The following PRELID2 variants were observed in gnomAD, a reference collection of about 807,000 sequenced individuals.
The protein encoded by PRELID2 is PRELI domain-containing protein 2.
Under a neutral mutation model 28.4 loss-of-function variants are expected in PRELID2, and 25 were observed. That is an observed-to-expected ratio of 0.88 (90% CI 0.64 to 1.23). The LOEUF (loss-of-function observed/expected upper bound fraction) is 1.23. Ranked by LOEUF, PRELID2 falls within the 50% of genes most tolerant of loss-of-function variation. The probability of loss-of-function intolerance (pLI) is 0.00; values close to 1 mark genes in which losing one functional copy is unlikely to be tolerated. For missense variants in PRELID2, 201 were observed against 214.4 expected, an observed-to-expected ratio of 0.94 and a Z score of 0.39; for synonymous variants, 76 against 71.6, an observed-to-expected ratio of 1.06 and a Z score of -0.31.
the PRELID2 span, among the ~76,000 whole-genome samples, chr5:145,445,632 A>T: frequency 6.6e-6 from 1 of 152,050 alleles, no homozygotes; most frequent in South Asian, 2.1e-4. Context: ...CCAACAGGGG[A>T]TTAATATCCA....
the PRELID2 span, among the ~76,000 whole-genome samples, chr5:145,442,900 A>G: frequency 6.6e-6 from 1 of 152,044 alleles, no homozygotes; most frequent in Non-Finnish European, 1.5e-5. Flanking sequence ...TAGACCAGAA[A>G]TTCTCAGAAG....
chr5:145,515,678 G>A (rs564569630), intron 1 of PRELID2, among the ~76,000 whole-genome samples: 18 of 152,092 alleles, frequency 1.2e-4, no homozygotes, highest in African/African-American at 4.3e-4. Flanking sequence ...ACTTGGCAGA[G>A]ACAAGAAAAC....
At chr5:145,629,790 T>C (rs1168819847) in intron 1 of PRELID2, among the ~76,000 whole-genome samples, 1 of 146,736 alleles carries the variant, frequency 6.8e-6, no homozygotes, top group East Asian at 1.9e-4. Flanking sequence ...GCACCATCCT[T>C]TTAAAATGCC....
chr5:145,457,062 GA>G, the PRELID2 span, among the ~76,000 whole-genome samples: 1 of 152,168 alleles, frequency 6.6e-6, no homozygotes, highest in African/African-American at 2.4e-5. Flanking sequence ...TTTTTAAGGG[GA>G]TAGAGTGTGC....
the PRELID2 span, among the ~76,000 whole-genome samples, chr5:145,288,384 G>A: frequency 6.6e-6 from 1 of 152,118 alleles, no homozygotes; most frequent in African/African-American, 2.4e-5. Context: ...ATCTTTGAGA[G>A]CTCTTTTAGG....
chr5:145,760,050 G>C lies in PRELID2; in HGVS notation c.*486C>G, dbSNP rs2149761425. 1 of 152,196 alleles carries C rather than the reference G, an allele frequency of 6.6e-6. No homozygotes were observed. Among genetic ancestry groups the C allele is most frequent in the South Asian group, 2.1e-4 (1 of 4,808 alleles). The allele number at this position is 152,196 out of a possible 1,614,324, so 9.4% of individuals were successfully genotyped here. A position where few individuals can be genotyped will look rare whatever the true frequency, so the allele number is the denominator to read the frequency against. Reference sequence around the variant, plus strand: ...ACATAGGTCTGGTACATTCCTGTTTGTTCCAGTCCACCCGTGAATCAGGTA... The same window carrying C: ...ACATAGGTCTGGTACATTCCTGTTTCTTCCAGTCCACCCGTGAATCAGGTA... On this transcript the variant is annotated 3_prime_UTR_variant, in exon 7 of 7. Transcript: ENST00000683046.
chr5:145,710,521 T>C (rs1399232452), intron 1 of PRELID2, among the ~76,000 whole-genome samples: 2 of 152,218 alleles, frequency 1.3e-5, no homozygotes, highest in South Asian at 2.1e-4. Context: ...CAGTCAGACA[T>C]AGGTTTAGCT....
intron 1 of PRELID2, among the ~76,000 whole-genome samples, chr5:145,518,883 T>G (rs1230765587): frequency 6.6e-6 from 1 of 152,218 alleles, no homozygotes; most frequent in Non-Finnish European, 1.5e-5. Flanking sequence ...CAGTCCAAAT[T>G]GTCAATAGTT....
intron 1 of PRELID2, among the ~76,000 whole-genome samples, chr5:145,649,193 G>A (rs918809731): frequency 6.6e-6 from 1 of 152,138 alleles, no homozygotes; most frequent in Non-Finnish European, 1.5e-5. Flanking sequence ...AGCTAGAGAT[G>A]ACTAGCATGA....
At chr5:145,268,280 A>G in the PRELID2 span, among the ~76,000 whole-genome samples, 23 of 152,162 alleles carry the variant, frequency 1.5e-4, no homozygotes, top group Admixed American at 1.3e-4. Flanking sequence ...GAAGTCCTAG[A>G]TTTAACTCCT....
chr5:145,294,124 G>T, the PRELID2 span, among the ~76,000 whole-genome samples: 1 of 152,164 alleles, frequency 6.6e-6, no homozygotes, highest in African/African-American at 2.4e-5. Context: ...TGCACATTAT[G>T]CTTCAAATGT....
the PRELID2 span, among the ~76,000 whole-genome samples, chr5:145,443,824 T>C: frequency 1.3e-5 from 2 of 151,920 alleles, no homozygotes; most frequent in African/African-American, 4.8e-5. Context: ...GAGCCAGAAA[T>C]TAAAGTTGGA....
chr5:145,340,187 C>A, the PRELID2 span, among the ~76,000 whole-genome samples: 32 of 152,300 alleles, frequency 2.1e-4, no homozygotes, highest in African/African-American at 7.5e-4. Context: ...AATTACCCAG[C>A]TAAGTCTACC....
the PRELID2 span, among the ~76,000 whole-genome samples, chr5:145,449,655 C>T: frequency 6.6e-6 from 1 of 152,066 alleles, no homozygotes; most frequent in Admixed American, 6.6e-5. Flanking sequence ...CAGGGAACCA[C>T]CCTCTTCTAC....
intron 5 of PRELID2, among the ~76,000 whole-genome samples, chr5:145,781,592 A>AC (rs1751600915): frequency 6.7e-6 from 1 of 148,254 alleles, no homozygotes; most frequent in African/African-American, 2.5e-5. Flanking sequence ...ATATAGATAT[A>AC]TAGTATATCT....
chr5:145,809,873 T>C (rs909001876), intron 4 of PRELID2, among the ~76,000 whole-genome samples: 2 of 152,214 alleles, frequency 1.3e-5, no homozygotes, highest in Non-Finnish European at 2.9e-5. Context: ...CAGAATTACA[T>C]TGCAGTACTC....
At chr5:145,741,343 A>ATTTATATATAAAT (rs1756728243) in intron 1 of PRELID2, among the ~76,000 whole-genome samples, 1 of 4,330 alleles carries the variant, frequency 2.3e-4, no homozygotes, top group African/African-American at 4.1e-4. Flanking sequence ...TATAAATAAA[A>ATTTATATATAAAT]TTTATTAATA....
intron 4 of PRELID2, among the ~76,000 whole-genome samples, chr5:145,812,765 AG>A (rs1353857407): frequency 6.6e-6 from 1 of 152,240 alleles, no homozygotes; most frequent in Non-Finnish European, 1.5e-5. Flanking sequence ...TGGGAGAGTC[AG>A]ATGAGTGAGA....
chr5:145,373,934 C>CATAT, the PRELID2 span, among the ~76,000 whole-genome samples: 14 of 135,468 alleles, frequency 1.0e-4, no homozygotes, highest in African/African-American at 1.4e-4. Flanking sequence ...TATATTATAA[C>CATAT]ATAATATATA....
Sources: allele counts gnomAD v4.1 joint callset (sites outside exome capture counted in the v4.1 genomes callset), GRCh38; gene constraint gnomAD v4.1.1; transcripts MANE v1.5; gene names NCBI Gene and HGNC (gene_info 2026-07-23, HGNC 2026-07-21).